PTPRN2: variants seen among roughly 807,000 people sequenced by gnomAD.
PTPRN2 encodes protein tyrosine phosphatase receptor type N2.
A neutral mutation model predicts 118.8 loss-of-function variants in PTPRN2; 74 were observed. The ratio of observed to expected loss-of-function variants is 0.62; its 90% CI spans 0.52 to 0.76. PTPRN2 has a LOEUF of 0.76. Among genes scored for constraint, PTPRN2 ranks in the 30% least tolerant of loss-of-function variants. The probability of loss-of-function intolerance (pLI) is 0.00; values close to 1 mark genes in which losing one functional copy is unlikely to be tolerated. For missense variants in PTPRN2, 1,481 were observed against 1,394.4 expected (o/e 1.06, Z -0.99); for synonymous variants, 641 against 608.0 (o/e 1.05, Z -0.80).
At position 157,990,556 on chromosome 7, in the gene PTPRN2, G is replaced by A. The variant is rs1804172678; in HGVS notation, c.1723+90742C>T. ...CTCTGGCAAGTTCTGGGCAGGGGGA[G>A]AGCGACACAAGGCAAGGGAGGAGAC... On this transcript the variant is annotated intron_variant, in intron 11 of 22. Coordinates refer to ENST00000389418, the MANE Select transcript of PTPRN2 (RefSeq NM_002847.5). This position sits in a 1 kb window ranked among gnomAD's most constrained non-coding sequence, Gnocchi z 4.3. Among the ~76,000 whole-genome samples the A allele has an allele frequency of 1.3e-5, 2 of 152,180 alleles. No individual in the cohort carries two copies. Among genetic ancestry groups the A allele is most frequent in the African/African-American group, 4.8e-5 (2 of 41,454 alleles).
chr7:157,942,926 A>G (rs1706536089), intron 11 of PTPRN2, among the ~76,000 whole-genome samples: 1 of 152,086 alleles, frequency 6.6e-6, no homozygotes, highest in Non-Finnish European at 1.5e-5. Flanking sequence ...CTTCACTCCC[A>G]AAGTCAAACA....
chr7:158,169,417 A>AGTGTGTCT (rs773827214), intron 5 of PTPRN2, among the ~76,000 whole-genome samples: 170 of 136,628 alleles, frequency 1.2e-3, no homozygotes, highest in African/African-American at 4.4e-3. Context: ...TGCTTTTGTG[A>AGTGTGTCT]GTGTGTGTGT....
chr7:157,642,832 A>AAAAAAAAAAAAAAAAAAAAAC (rs1804769366), intron 14 of PTPRN2, among the ~76,000 whole-genome samples: 1 of 144,790 alleles, frequency 6.9e-6, no homozygotes, highest in Non-Finnish European at 1.5e-5. Flanking sequence ...AAAAAAAAAA[A>AAAAAAAAAAAAAAAAAAAAAC]AAAAAAAAAA....
chr7:157,985,750 C>A (rs1471358683), intron 11 of PTPRN2, among the ~76,000 whole-genome samples: 1 of 152,228 alleles, frequency 6.6e-6, no homozygotes, highest in Non-Finnish European at 1.5e-5. Context: ...TGCTCTTGAA[C>A]AAACTCCTGA....
At chr7:158,288,174 T>A (rs973859166) in intron 3 of PTPRN2, among the ~76,000 whole-genome samples, 1 of 152,174 alleles carries the variant, frequency 6.6e-6, no homozygotes, top group African/African-American at 2.4e-5. Context: ...GCTTTCAGTC[T>A]ATGTCCTTAA....
chr7:157,739,922 T>A (rs1333081992), intron 12 of PTPRN2, among the ~76,000 whole-genome samples: 1 of 152,250 alleles, frequency 6.6e-6, no homozygotes, highest in Non-Finnish European at 1.5e-5. Flanking sequence ...AGCTTTCCTC[T>A]GACCTCTTCC....
intron 11 of PTPRN2, among the ~76,000 whole-genome samples, chr7:158,008,762 A>C (rs77604233): frequency 0.015 from 2,277 of 152,316 alleles, 48 homozygotes; most frequent in African/African-American, 0.051. Context: ...CAGTGACTCT[A>C]GTATCACCGT....
intron 12 of PTPRN2, among the ~76,000 whole-genome samples, chr7:157,877,889 G>A (rs1487011606): frequency 6.6e-6 from 1 of 152,208 alleles, no homozygotes; most frequent in African/African-American, 2.4e-5. Flanking sequence ...GGGAGAAGAG[G>A]AACAGGAAAT....
chr7:157,848,854 T>C (rs971501677), intron 12 of PTPRN2, among the ~76,000 whole-genome samples: 3 of 152,190 alleles, frequency 2.0e-5, no homozygotes, highest in Admixed American at 6.5e-5. Flanking sequence ...GCCTCTGCAG[T>C]CCCAGACCCA....
At position 157,868,520 on chromosome 7, in the gene PTPRN2, T is replaced by C. The variant is rs1810858667; in HGVS notation, c.1788+30153A>G. ...CTTCCAGGTCCTCCCTGGTTTAATT[T>C]AGCAAAACTACCAATGCCAAGAACT... On this transcript the variant is annotated intron_variant, in intron 12 of 22. Coordinates refer to ENST00000389418, the MANE Select transcript of PTPRN2 (RefSeq NM_002847.5). The surrounding 1 kb of genome is among the most constrained non-coding windows in gnomAD (Gnocchi z 5.2). 6.6e-6 allele frequency: 1 copy of C among 152,188 alleles called. No homozygotes were observed. Among genetic ancestry groups the C allele is most frequent in the South Asian group, 2.1e-4 (1 of 4,830 alleles). The allele number at this position is 152,188 out of a possible 1,614,324, so 9.4% of individuals were successfully genotyped here.
At chr7:157,747,372 G>A (rs1371459741) in intron 12 of PTPRN2, among the ~76,000 whole-genome samples, 27 of 140,958 alleles carry the variant, frequency 1.9e-4, no homozygotes, top group African/African-American at 6.2e-4. Context: ...TGAGGCCTGC[G>A]TCCCTGAGCT....
At chr7:158,421,508 T>C (rs1336973594) in intron 2 of PTPRN2, among the ~76,000 whole-genome samples, 1 of 152,226 alleles carries the variant, frequency 6.6e-6, no homozygotes, top group Non-Finnish European at 1.5e-5. Flanking sequence ...AAGAAGCAGC[T>C]TTCCTGTGAT....
At chr7:158,358,648 C>G (rs986636859) in intron 2 of PTPRN2, among the ~76,000 whole-genome samples, 28 of 152,340 alleles carry the variant, frequency 1.8e-4, no homozygotes, top group Admixed American at 1.7e-3. Flanking sequence ...GACGCTGACA[C>G]AGTCCACACC....
At chr7:158,005,149 A>C (rs1221721013) in intron 11 of PTPRN2, among the ~76,000 whole-genome samples, 1 of 148,686 alleles carries the variant, frequency 6.7e-6, no homozygotes, top group Non-Finnish European at 1.5e-5. Flanking sequence ...ATCTCGGCTC[A>C]CCACAACCTC....
intron 3 of PTPRN2, among the ~76,000 whole-genome samples, chr7:158,250,565 T>TAC (rs931567705): frequency 2.6e-5 from 4 of 151,844 alleles, no homozygotes; most frequent in African/African-American, 9.7e-5. Context: ...CACACACACG[T>TAC]ACACACACAT....
intron 9 of PTPRN2, among the ~76,000 whole-genome samples, chr7:158,115,186 C>T (rs1816632224): frequency 6.6e-6 from 1 of 151,988 alleles, no homozygotes; most frequent in Non-Finnish European, 1.5e-5. Flanking sequence ...TCCAAAATAA[C>T]AACAACAACA....
chr7:157,603,959 C>T lies in PTPRN2; in HGVS notation c.2418+43G>A. 1 of 1,572,444 alleles carries T rather than the reference C, an allele frequency of 6.4e-7. No individual in the cohort carries two copies. Among genetic ancestry groups the T allele is most frequent in the Non-Finnish European group, 8.7e-7 (1 of 1,142,896 alleles). ...CACGTGATTTGCCGCGTCCGTGCCA[C>T]CCAAGGGAAAGCCTGGGGCCCCTGT... On this transcript the variant is annotated intron_variant, in intron 16 of 22. Coordinates refer to ENST00000389418, the MANE Select transcript of PTPRN2 (RefSeq NM_002847.5). The surrounding 1 kb of genome is among the most constrained non-coding windows in gnomAD (Gnocchi z 5.4).
At chr7:157,682,408 A>G (rs1010958786) in intron 13 of PTPRN2, among the ~76,000 whole-genome samples, 1 of 152,262 alleles carries the variant, frequency 6.6e-6, no homozygotes, top group African/African-American at 2.4e-5. Flanking sequence ...ACTTTTCAGT[A>G]GTAGTGGCCA....
chr7:158,567,709 G>A (rs1771981319), intron 1 of PTPRN2, among the ~76,000 whole-genome samples: 1 of 152,198 alleles, frequency 6.6e-6, no homozygotes, highest in Non-Finnish European at 1.5e-5. Context: ...AGACAGCATG[G>A]TCAGGGACTC....
Sources: allele counts gnomAD v4.1 joint callset (sites outside exome capture counted in the v4.1 genomes callset), GRCh38; gene constraint gnomAD v4.1.1; non-coding constraint Gnocchi (gnomAD v3.1); transcripts MANE v1.5; gene names NCBI Gene and HGNC (gene_info 2026-07-23, HGNC 2026-07-21).